The following LYPD6B variants were observed in gnomAD, a reference collection of about 807,000 sequenced individuals.
LYPD6B encodes the protein ly6/PLAUR domain-containing protein 6B.
Under a neutral mutation model 22.8 loss-of-function variants are expected in LYPD6B, and 17 were observed. That is an observed-to-expected ratio of 0.75 (90% CI 0.51 to 1.12). LYPD6B has a LOEUF of 1.12. Ranked by LOEUF, LYPD6B falls within the 50% of genes most tolerant of loss-of-function variation. The pLI is 0.00. For missense variants in LYPD6B, 221 were observed against 258.3 expected, an observed-to-expected ratio of 0.86 and a Z score of 0.99; for synonymous variants, 106 against 91.6, an observed-to-expected ratio of 1.16 and a Z score of -0.90.
chr2:149,065,392 G>A (rs145884411), intron 1 of LYPD6B, among the ~76,000 whole-genome samples: 72 of 152,314 alleles, frequency 4.7e-4, no homozygotes, highest in African/African-American at 1.7e-3. Flanking sequence ...TGGCCCCCTA[G>A]TAAGGACATG....
At chr2:149,212,315 G>T (rs1693909970) in intron 5 of LYPD6B, among the ~76,000 whole-genome samples, 1 of 136,336 alleles carries the variant, frequency 7.3e-6, no homozygotes, top group Admixed American at 8.8e-5. Context: ...CCGGGAGGCA[G>T]GGCTTGCAGT....
chr2:149,129,196 C>T (rs1687877707), intron 1 of LYPD6B, among the ~76,000 whole-genome samples: 1 of 152,164 alleles, frequency 6.6e-6, no homozygotes, highest in Admixed American at 6.5e-5. Flanking sequence ...TGACCAAAAT[C>T]CATATGTTTA....
chr2:149,135,397 T>C (rs1465590899), intron 2 of LYPD6B, among the ~76,000 whole-genome samples: 2 of 152,072 alleles, frequency 1.3e-5, no homozygotes, highest in African/African-American at 4.8e-5. Context: ...TGTGTGCATA[T>C]TTAAATATGT....
At chr2:149,115,720 G>A (rs947986339) in intron 1 of LYPD6B, among the ~76,000 whole-genome samples, 1 of 152,176 alleles carries the variant, frequency 6.6e-6, no homozygotes, top group Non-Finnish European at 1.5e-5. Flanking sequence ...TAGACCCACC[G>A]TAGGCTTTGA....
chr2:149,198,359 A>C (rs1205432554), intron 3 of LYPD6B, among the ~76,000 whole-genome samples: 1 of 152,070 alleles, frequency 6.6e-6, no homozygotes, highest in African/African-American at 2.4e-5. Context: ...AATTTTTTCT[A>C]TGTGGAGCTC....
intron 6 of LYPD6B, 48 bp from the exon 7 acceptor site, chr2:149,214,498 C>A (rs1295891105): frequency 2.5e-6 from 4 of 1,576,606 alleles, no homozygotes; most frequent in Admixed American, 1.7e-5. Context: ...TTTGCCCCTT[C>A]CCTCTTCTAT....
rs1163092355 is a variant in LYPD6B, at chr2:149,215,005, C to T, written c.*295C>T. 2.7e-6 allele frequency: 1 copy of T among 375,748 alleles called. No homozygotes were observed. The highest frequency in any genetic ancestry group is 4.9e-6 in the Non-Finnish European group (1 of 204,680). The allele number at this position is 375,748 out of a possible 1,614,324, so 23.3% of individuals were successfully genotyped here. A position where few individuals can be genotyped will look rare whatever the true frequency, so the allele number is the denominator to read the frequency against. On this transcript the variant is annotated 3_prime_UTR_variant, in exon 7 of 7. Transcript: ENST00000409642. Reference sequence around the variant, plus strand: ...GATCCTGGCAACTAGTCCCACCTGACTAGGCCTTTAGCTGAAAGGATTTCT... The same window carrying T: ...GATCCTGGCAACTAGTCCCACCTGATTAGGCCTTTAGCTGAAAGGATTTCT...
At chr2:149,096,115 A>C (rs1031138536) in intron 1 of LYPD6B, among the ~76,000 whole-genome samples, 1 of 152,100 alleles carries the variant, frequency 6.6e-6, no homozygotes, top group Admixed American at 6.5e-5. Context: ...GAAGACAGAG[A>C]AGAGAGAATG....
At chr2:149,167,354 C>A (rs929980421) in intron 3 of LYPD6B, among the ~76,000 whole-genome samples, 2 of 152,192 alleles carry the variant, frequency 1.3e-5, no homozygotes, top group African/African-American at 4.8e-5. Flanking sequence ...ATATATCTGG[C>A]AAACCTACCA....
chr2:149,078,881 G>A (rs938723315), intron 1 of LYPD6B, among the ~76,000 whole-genome samples: 1 of 152,034 alleles, frequency 6.6e-6, no homozygotes, highest in Non-Finnish European at 1.5e-5. Flanking sequence ...GGTAGCTTGT[G>A]TCTGTAGTCC....
chr2:149,203,207 CT>C (rs1575173846), intron 3 of LYPD6B, among the ~76,000 whole-genome samples: 2 of 152,148 alleles, frequency 1.3e-5, no homozygotes, highest in East Asian at 3.9e-4. Flanking sequence ...ACTTGGAAAC[CT>C]TCAGCAACTT....
intron 2 of LYPD6B, among the ~76,000 whole-genome samples, chr2:149,139,375 C>T (rs922329600): frequency 6.6e-6 from 1 of 152,118 alleles, no homozygotes; most frequent in African/African-American, 2.4e-5. Flanking sequence ...CACAGCTTGG[C>T]CTGTGCTGAT....
At chr2:149,185,017 C>CT (rs1691995963) in intron 3 of LYPD6B, among the ~76,000 whole-genome samples, 1 of 152,232 alleles carries the variant, frequency 6.6e-6, no homozygotes, top group Admixed American at 6.5e-5. Flanking sequence ...ATTTGAGCCT[C>CT]TGCTCCATGT....
At chr2:149,080,246 T>C (rs1020913162) in intron 1 of LYPD6B, among the ~76,000 whole-genome samples, 2 of 152,200 alleles carry the variant, frequency 1.3e-5, no homozygotes, top group Admixed American at 6.5e-5. Context: ...ACTTTATAAC[T>C]TGTGGTGTTC....
chr2:149,114,865 C>T (rs984831237), intron 1 of LYPD6B, among the ~76,000 whole-genome samples: 1 of 152,074 alleles, frequency 6.6e-6, no homozygotes, highest in South Asian at 2.1e-4. Context: ...TCATTTTCCC[C>T]CTAGTTAATG....
chr2:149,099,620 C>A (rs1352164877), intron 1 of LYPD6B, among the ~76,000 whole-genome samples: 1 of 152,156 alleles, frequency 6.6e-6, no homozygotes, highest in Non-Finnish European at 1.5e-5. Flanking sequence ...GTAGCTAGGT[C>A]TGTCTTCGGC....
chr2:149,057,747 A>G (rs919878490), intron 1 of LYPD6B, among the ~76,000 whole-genome samples: 1 of 152,190 alleles, frequency 6.6e-6, no homozygotes, highest in Non-Finnish European at 1.5e-5. Flanking sequence ...AAGAAATGCA[A>G]CAGAAGAGGA....
chr2:149,065,178 A>T (rs1279231955), intron 1 of LYPD6B, among the ~76,000 whole-genome samples: 14 of 152,198 alleles, frequency 9.2e-5, no homozygotes, highest in Admixed American at 9.2e-4. Flanking sequence ...TACTGAATTC[A>T]TGGACTACCT....
chr2:149,135,579 G>A (rs770842917), intron 2 of LYPD6B, among the ~76,000 whole-genome samples: 16 of 151,830 alleles, frequency 1.1e-4, no homozygotes, highest in Non-Finnish European at 2.1e-4. Flanking sequence ...AATAAGCCAG[G>A]GGTGGTGGCA....
Sources: allele counts gnomAD v4.1 joint callset (sites outside exome capture counted in the v4.1 genomes callset), GRCh38; gene constraint gnomAD v4.1.1; transcripts MANE v1.5; gene names NCBI Gene and HGNC (gene_info 2026-07-23, HGNC 2026-07-21).